Variants in HDAC9 observed in about 807,000 individuals in gnomAD.
HDAC9 encodes the protein histone deacetylase 9, also known as MEF-2 interacting transcription repressor (MITR) protein.
Under a neutral mutation model 139.4 loss-of-function variants are expected in HDAC9, and 41 were observed. The observed-to-expected ratio is 0.29, with a 90% CI of 0.23 to 0.38. HDAC9 has a LOEUF of 0.38. Among genes scored for constraint, HDAC9 ranks in the 10% least tolerant of loss-of-function variants. The pLI, the probability that HDAC9 is intolerant of heterozygous loss-of-function variation, is 1.00. For missense variants in HDAC9, 1,147 were observed against 1,297.0 expected (o/e 0.88, Z 1.78); for synonymous variants, 517 against 476.2 (o/e 1.09, Z -1.12).
intron 12 of HDAC9, among the ~76,000 whole-genome samples, chr7:18,686,787 A>G (rs1037557672): frequency 6.6e-6 from 1 of 151,912 alleles, no homozygotes; most frequent in Non-Finnish European, 1.5e-5. Flanking sequence ...ACTATGTTTA[A>G]AAGAATGGTT....
intron 6 of HDAC9, among the ~76,000 whole-genome samples, chr7:18,618,157 C>A (rs770222520): frequency 1.3e-5 from 2 of 152,134 alleles, no homozygotes; most frequent in African/African-American, 4.8e-5. Flanking sequence ...AATTGTATGG[C>A]ATTTCAAATT....
At chr7:18,890,414 T>C (rs374535978) in intron 22 of HDAC9, among the ~76,000 whole-genome samples, 3 of 152,218 alleles carry the variant, frequency 2.0e-5, no homozygotes, top group Non-Finnish European at 2.9e-5. Context: ...GTTTTGGAGA[T>C]TTGTTTTGGA....
intron 14 of HDAC9, among the ~76,000 whole-genome samples, chr7:18,758,005 G>A (rs1789033030): frequency 6.6e-6 from 1 of 152,122 alleles, no homozygotes; most frequent in African/African-American, 2.4e-5. Context: ...CAGAGTAAGT[G>A]CTCAGTGAGC....
chr7:18,356,934 T>C (rs1409039954), intron 1 of HDAC9, among the ~76,000 whole-genome samples: 1 of 152,188 alleles, frequency 6.6e-6, no homozygotes, highest in Non-Finnish European at 1.5e-5. Flanking sequence ...TATTTATTAT[T>C]AGTTTATGTA....
intron 2 of HDAC9, among the ~76,000 whole-genome samples, chr7:18,180,469 A>G (rs912942310): frequency 6.6e-6 from 1 of 151,872 alleles, no homozygotes; most frequent in African/African-American, 2.4e-5. Flanking sequence ...TGAGAGATTG[A>G]TCATTTTACA....
upstream of HDAC9, among the ~76,000 whole-genome samples, chr7:18,493,172 C>CT (rs1011632624): frequency 9.2e-5 from 14 of 151,634 alleles, no homozygotes; most frequent in African/African-American, 2.9e-4. Context: ...GCTGAGAGAT[C>CT]TTTTTTTATC....
chr7:18,207,607 G>A (rs900629790), intron 2 of HDAC9, among the ~76,000 whole-genome samples: 7 of 140,368 alleles, frequency 5.0e-5, no homozygotes, highest in African/African-American at 1.9e-4. Context: ...TGGCATAAAA[G>A]GATAGATATA....
At chr7:18,724,265 A>G (rs2129126495) in intron 12 of HDAC9, among the ~76,000 whole-genome samples, 1 of 152,288 alleles carries the variant, frequency 6.6e-6, no homozygotes, top group Non-Finnish European at 1.5e-5. Flanking sequence ...ATCATAGAGT[A>G]TACCTACACA....
At chr7:18,220,277 A>G (rs1792606140) in intron 2 of HDAC9, among the ~76,000 whole-genome samples, 4 of 152,166 alleles carry the variant, frequency 2.6e-5, no homozygotes, top group South Asian at 2.1e-4. Context: ...GAGTTTTGCA[A>G]TTATCGCATT....
intron 16 of HDAC9, among the ~76,000 whole-genome samples, chr7:18,786,160 G>T (rs1039553501): frequency 1.3e-5 from 2 of 152,086 alleles, no homozygotes; most frequent in African/African-American, 2.4e-5. Flanking sequence ...TGTTCCCTAA[G>T]TTATGTTTAA....
intron 13 of HDAC9, among the ~76,000 whole-genome samples, chr7:18,729,729 T>G (rs1343762112): frequency 6.6e-6 from 1 of 152,192 alleles, no homozygotes; most frequent in Non-Finnish European, 1.5e-5. Flanking sequence ...AAGCATGTAT[T>G]CCAAAAACAA....
In HDAC9 at chr7:18,749,132, A is replaced by C. The variant is rs780622599; in HGVS notation, c.2037A>C (p.Lys679Asn). 6.2e-7 allele frequency: 1 copy of C among 1,613,582 alleles called. No individual in the cohort carries two copies. The highest frequency in any genetic ancestry group is 1.1e-5 in the South Asian group (1 of 90,956). ...SRLQETGLLN[K>N]CERIQGRKAS... ...TGCAAGAAACTGGGCTGCTAAATAAATGTGAGGTAATCCAGAATTGGACAC... is the reference window on the plus strand; with the variant it reads ...TGCAAGAAACTGGGCTGCTAAATAACTGTGAGGTAATCCAGAATTGGACAC... Residue 679 changes from lysine to asparagine, a missense_variant, in exon 14 of 26, where the codon AAA (lysine) becomes AAC (asparagine). Physicochemically the swap from Lys to Asn is moderately conservative, Grantham distance 94. This residue lies in a region of HDAC9 where 407 missense variants were observed against 521.5 expected (regional missense o/e 0.78). Transcript: ENST00000686413.
rs149264113 is a variant in HDAC9 at position 18,724,688 on chromosome 7, T to A, written c.1732-2892T>A. ...AAGGGATTTTTGTGTTCCATTATAA[T>A]CTTCTGGGCCCAGTGTCATATATGT... On this transcript the variant is annotated intron_variant, in intron 12 of 25. Transcript: ENST00000686413. Among the ~76,000 whole-genome samples the A allele has an allele frequency of 9.1e-3, 1,387 of 152,258 alleles. 11 individuals are homozygous for A. The highest frequency in any genetic ancestry group is 0.014 in the Non-Finnish European group (925 of 68,012).
chr7:18,339,900 G>C (rs1237905584), intron 1 of HDAC9, among the ~76,000 whole-genome samples: 2 of 151,388 alleles, frequency 1.3e-5, no homozygotes, highest in African/African-American at 4.8e-5. Context: ...GTGCTAATGA[G>C]GTCAAGTATG....
At chr7:18,424,380 C>T (rs1789918471) in intron 1 of HDAC9, among the ~76,000 whole-genome samples, 1 of 152,032 alleles carries the variant, frequency 6.6e-6, no homozygotes, top group African/African-American at 2.4e-5. Flanking sequence ...ATAATTATAC[C>T]TACTTCATCA....
At chr7:18,482,995 A>C (rs1182746670) in intron 1 of HDAC9, among the ~76,000 whole-genome samples, 1 of 152,242 alleles carries the variant, frequency 6.6e-6, no homozygotes, top group Non-Finnish European at 1.5e-5. Context: ...ACTGCTCTGA[A>C]GTGTGACTTT....
At chr7:18,648,918 T>C (rs2129032584) in intron 11 of HDAC9, among the ~76,000 whole-genome samples, 1 of 152,300 alleles carries the variant, frequency 6.6e-6, no homozygotes, top group Non-Finnish European at 1.5e-5. Context: ...CAAGATCTTT[T>C]TATGATCAGG....
chr7:18,215,306 A>G (rs1792226846), intron 2 of HDAC9, among the ~76,000 whole-genome samples: 1 of 152,196 alleles, frequency 6.6e-6, no homozygotes, highest in Admixed American at 6.6e-5. Flanking sequence ...TATTAGTTCT[A>G]GAGAAAGTCC....
At chr7:18,617,554 C>A (rs1838987054) in intron 6 of HDAC9, among the ~76,000 whole-genome samples, 1 of 152,150 alleles carries the variant, frequency 6.6e-6, no homozygotes, top group Non-Finnish European at 1.5e-5. Context: ...CTCTGTTAAG[C>A]TTTACCTGGT....
Sources: gnomAD v4.1 joint callset for allele counts (sites outside exome capture counted in the v4.1 genomes callset) on GRCh38, gnomAD v4.1.1 for gene constraint, gnomAD v4.1.1 regional missense constraint, MANE v1.5 for transcripts, NCBI Gene and HGNC (gene_info 2026-07-23, HGNC 2026-07-21) for gene names.